Variants in KCNJ12 observed in about 807,000 individuals in gnomAD.
KCNJ12 encodes the protein ATP-sensitive inward rectifier potassium channel 12.
In KCNJ12, 2 loss-of-function variants were observed where a neutral mutation model predicts 22.3. The ratio of observed to expected loss-of-function variants is 0.09; its 90% CI spans 0.04 to 0.28. The LOEUF (loss-of-function observed/expected upper bound fraction) is 0.28. KCNJ12 is among the 10% of genes least tolerant of loss of function. KCNJ12 has a pLI of 1.00. For synonymous variants in KCNJ12, 117 were observed against 261.4 expected, an observed-to-expected ratio of 0.45 and a Z score of 5.33; for missense variants, 155 against 633.3, an observed-to-expected ratio of 0.24 and a Z score of 8.11.
chr17:21,393,492 GC>G (rs1905259425), intron 1 of KCNJ12, among the ~76,000 whole-genome samples: 2 of 152,284 alleles, frequency 1.3e-5, no homozygotes, highest in South Asian at 4.1e-4. Context: ...TGCTTACGAA[GC>G]CAGCACTGCC....
intron 1 of KCNJ12, among the ~76,000 whole-genome samples, chr17:21,382,095 T>G (rs912617468): frequency 4.6e-5 from 7 of 152,236 alleles, no homozygotes; most frequent in African/African-American, 1.7e-4. Context: ...CATCTGTCTG[T>G]CTGGCTGAGT....
chr17:21,378,252 T>C (rs1904738182), intron 1 of KCNJ12, among the ~76,000 whole-genome samples: 1 of 152,242 alleles, frequency 6.6e-6, no homozygotes, highest in Non-Finnish European at 1.5e-5. Flanking sequence ...ACCGCCGCCC[T>C]GTGGCGGGCG....
chr17:21,412,274 A>G (rs1906400245), intron 2 of KCNJ12, among the ~76,000 whole-genome samples: 1 of 152,340 alleles, frequency 6.6e-6, no homozygotes, highest in Non-Finnish European at 1.5e-5. Context: ...GTATGACACC[A>G]TCTGGGCAGG....
intron 1 of KCNJ12, among the ~76,000 whole-genome samples, chr17:21,392,141 AGAGCCTTCCT>A (rs1417330239): frequency 1.3e-5 from 2 of 152,212 alleles, no homozygotes; most frequent in African/African-American, 2.4e-5. Context: ...TCACATAGGC[AGAGCCTTCCT>A]GAGCCTTCGT....
chr17:21,387,683 G>A (rs1317121069), intron 1 of KCNJ12, among the ~76,000 whole-genome samples: 1 of 152,122 alleles, frequency 6.6e-6, no homozygotes, highest in East Asian at 1.9e-4. Context: ...CAACTGGTGT[G>A]AACATCTAAC....
chr17:21,405,973 G>C (rs1260655022), intron 1 of KCNJ12, among the ~76,000 whole-genome samples: 2 of 152,306 alleles, frequency 1.3e-5, no homozygotes, highest in Non-Finnish European at 2.9e-5. Context: ...TTGTGGTCTG[G>C]GGAATGCCCC....
At chr17:21,384,529 C>G (rs1905005799) in intron 1 of KCNJ12, among the ~76,000 whole-genome samples, 1 of 152,138 alleles carries the variant, frequency 6.6e-6, no homozygotes, top group Non-Finnish European at 1.5e-5. Flanking sequence ...GAGTCGCAGC[C>G]TGGGGCTTTG....
At chr17:21,414,514 G>C (rs1441006944) in intron 2 of KCNJ12, among the ~76,000 whole-genome samples, 1 of 152,298 alleles carries the variant, frequency 6.6e-6, no homozygotes, top group Non-Finnish European at 1.5e-5. Context: ...AAGAAAATGT[G>C]CTACCCTTAG....
intron 1 of KCNJ12, among the ~76,000 whole-genome samples, chr17:21,402,552 A>C (rs1387424497): frequency 6.6e-6 from 1 of 152,310 alleles, no homozygotes; most frequent in Non-Finnish European, 1.5e-5. Flanking sequence ...TGGAAGGCCT[A>C]CCCTATTTTC....
At chr17:21,412,840 C>A (rs1377858831) in intron 2 of KCNJ12, among the ~76,000 whole-genome samples, 2 of 152,292 alleles carry the variant, frequency 1.3e-5, no homozygotes, top group East Asian at 3.8e-4. Context: ...ACTCAACTCT[C>A]CTGCTTAATG....
intron 1 of KCNJ12, among the ~76,000 whole-genome samples, chr17:21,379,794 TG>T (rs1212225290): frequency 3.5e-4 from 31 of 88,684 alleles, no homozygotes; most frequent in East Asian, 1.4e-3. Context: ...GGGTTGGGGG[TG>T]GGGGGGGGCC....
At position 21,415,316 on chromosome 17, in the gene KCNJ12, G is replaced by A. The variant is rs1567707272; in HGVS notation, c.-27G>A. 1.2e-5 allele frequency: 19 copies of A among 1,596,454 alleles called. No individual in the cohort carries two copies. The highest frequency in any genetic ancestry group is 1.6e-5 in the Non-Finnish European group (19 of 1,177,360). ...CGCCCTGCCTGGAGCTAGCCTGGGG[G>A]CGAGCCAGGGTCCCCCAACCCCCGG... On this transcript the variant is annotated 5_prime_UTR_variant, in exon 3 of 3. Transcript: ENST00000583088.
chr17:21,398,793 G>A (rs1188907598), intron 1 of KCNJ12, among the ~76,000 whole-genome samples: 4 of 152,260 alleles, frequency 2.6e-5, no homozygotes, highest in South Asian at 4.1e-4. Context: ...GCAAAGATGC[G>A]TTTACAGAGC....
chr17:21,412,681 C>G (rs1300302575), intron 2 of KCNJ12, among the ~76,000 whole-genome samples: 1 of 152,310 alleles, frequency 6.6e-6, no homozygotes, highest in Non-Finnish European at 1.5e-5. Context: ...GAAGCAGTGT[C>G]CACCATTCCG....
Position 21,416,560 on chromosome 17 carries a change from C to T in KCNJ12, c.1218C>T (p.Pro406=), listed in dbSNP as rs782768236. 48 of 1,606,418 alleles carry T rather than the reference C, an allele frequency of 3.0e-5. No homozygotes were observed. Among genetic ancestry groups the T allele is most frequent in the Non-Finnish European group, 4.0e-5 (47 of 1,175,714 alleles). Residue 406 remains proline (P), a synonymous_variant, in exon 3 of 3, where the codon CCC becomes CCT. Coordinates refer to ENST00000583088, the MANE Select transcript of KCNJ12 (RefSeq NM_021012.5). ...QDGRSRDGLS[P]QARHDFDRLQ... is the part of the protein sequence containing the mutation. ...GCCGAAGCCGGGACGGCCTCAGCCC[C>T]CAGGCCAGGCATGACTTTGACAGAC...
At chr17:21,391,902 G>A (rs1194554182) in intron 1 of KCNJ12, among the ~76,000 whole-genome samples, 2 of 152,244 alleles carry the variant, frequency 1.3e-5, no homozygotes, top group African/African-American at 4.8e-5. Context: ...AGGGCCAAGT[G>A]TGGGGTCATG....
chr17:21,395,606 GA>G (rs1191680959), intron 1 of KCNJ12, among the ~76,000 whole-genome samples: 1 of 116,660 alleles, frequency 8.6e-6, no homozygotes, highest in Non-Finnish European at 1.8e-5. Context: ...AAAGAAAAAA[GA>G]AAAAAAGGAA....
chr17:21,397,719 C>T (rs1200434900), intron 1 of KCNJ12, among the ~76,000 whole-genome samples: 1 of 152,168 alleles, frequency 6.6e-6, no homozygotes, highest in Non-Finnish European at 1.5e-5. Context: ...GATGCCTGCC[C>T]CCACGACTCT....
intron 1 of KCNJ12, among the ~76,000 whole-genome samples, chr17:21,390,170 C>T (rs1555559144): frequency 1.3e-5 from 2 of 152,164 alleles, no homozygotes; most frequent in Non-Finnish European, 2.9e-5. Context: ...TCACAGCTTC[C>T]CTCCCCATGA....
Sources: gnomAD v4.1 joint callset for allele counts (sites outside exome capture counted in the v4.1 genomes callset) on GRCh38, gnomAD v4.1.1 for gene constraint, MANE v1.5 for transcripts, NCBI Gene and HGNC (gene_info 2026-07-23, HGNC 2026-07-21) for gene names.